The following SLX4 variants were observed in gnomAD, a reference collection of about 807,000 sequenced individuals.
SLX4 encodes the protein SLX4 structure-specific endonuclease subunit.
Under a neutral mutation model 146.2 loss-of-function variants are expected in SLX4, and 112 were observed. That is an observed-to-expected ratio of 0.77 (90% confidence interval 0.66 to 0.90). SLX4 has a LOEUF of 0.90. SLX4 is among the 40% of genes least tolerant of loss of function. The probability of loss-of-function intolerance (pLI) is 0.00; values close to 1 mark genes in which losing one functional copy is unlikely to be tolerated. For synonymous variants in SLX4, 1,061 were observed against 997.7 expected, an observed-to-expected ratio of 1.06 and a Z score of -1.20; for missense variants, 2,563 against 2,392.7, an observed-to-expected ratio of 1.07 and a Z score of -1.49.
chr16:3,584,839 T>C lies in SLX4; in HGVS notation c.4669A>G (p.Lys1557Glu). 1.9e-6 allele frequency: 3 copies of C among 1,614,102 alleles called. No individual in the cohort carries two copies. The highest frequency in any genetic ancestry group is 2.2e-5 in the East Asian group (1 of 44,874). The change falls in exon 13 of 15, where the codon AAA (lysine) becomes GAA (glutamate). Residue 1557 changes from lysine (K) to glutamate (E), a missense_variant. Lys to Glu is a moderately conservative substitution (Grantham distance 56, BLOSUM62 1). Coordinates refer to ENST00000294008, the MANE Select transcript of SLX4 (RefSeq NM_032444.4). ...TGTGGCATCGGCGTTATGGGCACTT[T>C]GGGGGGCAAGTTCTTCTTCCGATTA... ...GANRKKNLPP[K>E]VPITPMPQYS... is the part of the protein sequence containing the mutation.
At chr16:3,595,481 A>C in intron 9 of SLX4, 124 bp downstream of exon 9, 1 of 1,036,622 alleles carries the variant, frequency 9.6e-7, no homozygotes, top group Middle Eastern at 2.9e-4. Flanking sequence ...TCTGGAAAGC[A>C]GAGGCCTTGA....
intron 12 of SLX4, among the ~76,000 whole-genome samples, chr16:3,586,877 A>C (rs999663443): frequency 2.0e-5 from 3 of 152,168 alleles, no homozygotes; most frequent in African/African-American, 4.8e-5. Flanking sequence ...AACATGTATG[A>C]ATCTTGAAAA....
chr16:3,583,657 G>C (rs2040471176), intron 13 of SLX4, 147 bp from the exon 14 acceptor site: 1 of 854,306 alleles, frequency 1.2e-6, no homozygotes, highest in Non-Finnish European at 1.9e-6. Context: ...GTGAGCATCA[G>C]AGGTTAGTGT....
intron 9 of SLX4, among the ~76,000 whole-genome samples, chr16:3,594,920 C>A (rs1014505826): frequency 6.6e-6 from 1 of 152,164 alleles, no homozygotes; most frequent in Non-Finnish European, 1.5e-5. Context: ...GGACAGGCTG[C>A]GGGATACCTG....
At position 3,606,469 on chromosome 16, in the gene SLX4, C is replaced by T. The variant is rs1555452262; in HGVS notation, c.760+5G>A. 1.2e-6 allele frequency: 2 copies of T among 1,614,072 alleles called. No individual in the cohort carries two copies. The highest frequency in any genetic ancestry group is 1.7e-6 in the Non-Finnish European group (2 of 1,179,934). On this transcript the variant is annotated splice_donor_5th_base_variant and intron_variant, in intron 3 of 14. Coordinates refer to ENST00000294008, the MANE Select transcript of SLX4 (RefSeq NM_032444.4). ...GTGTGGAAGACAGAAACACACTCAT[C>T]ATACCATTCCCCGCCATCATCTCCT...
intron 4 of SLX4, 193 bp downstream of exon 4, chr16:3,601,924 GT>G (rs2040731253): frequency 4.9e-6 from 3 of 617,638 alleles, no homozygotes; most frequent in African/African-American, 3.7e-5. Context: ...GTAGTGATTT[GT>G]TCAGTTTAAA....
At chr16:3,598,385 C>T (rs568205788) in intron 5 of SLX4, among the ~76,000 whole-genome samples, 4 of 152,312 alleles carry the variant, frequency 2.6e-5, no homozygotes, top group Admixed American at 6.5e-5. Context: ...GCTCCTTACA[C>T]GGTCCTGGCC....
rs755984266 is a variant in SLX4 at position 3,591,138 on chromosome 16, A to G, written c.2500T>C (p.Leu834=). The change falls in exon 12 of 15, where the codon TTG becomes CTG. Residue 834 remains leucine (L), a synonymous_variant. Transcript: ENST00000294008. The part of the protein sequence containing the change: ...ADEEEEAETL[L]KSKDHEEDQE... ...TCTTCTTCGTGGTCCTTGGATTTCAACAAAGTCTCCGCTTCCTCCTCTTCA... is the reference window on the plus strand; with the variant it reads ...TCTTCTTCGTGGTCCTTGGATTTCAGCAAAGTCTCCGCTTCCTCCTCTTCA... The G allele has an allele frequency of 1.1e-5, 17 of 1,614,074 alleles. No homozygotes were observed. Among genetic ancestry groups the G allele is most frequent in the Admixed American group, 1.0e-4 (6 of 60,004 alleles).
At chr16:3,592,472 T>G (rs1231367407) in intron 11 of SLX4, among the ~76,000 whole-genome samples, 4 of 152,246 alleles carry the variant, frequency 2.6e-5, no homozygotes, top group African/African-American at 9.6e-5. Context: ...AGAGTCCTCC[T>G]GATCCAGTGC....
At chr16:3,583,855 T>G (rs9923287) in intron 13 of SLX4, among the ~76,000 whole-genome samples, 1 of 151,652 alleles carries the variant, frequency 6.6e-6, no homozygotes, top group African/African-American at 2.4e-5. Flanking sequence ...ATACAAAAAT[T>G]AGCCAGGCGT....
In SLX4 at chr16:3,589,949, C is replaced by A. The variant is rs777914038; in HGVS notation, c.3689G>T (p.Gly1230Val). The A allele has an allele frequency of 1.2e-6, 2 of 1,613,866 alleles. No individual in the cohort carries two copies. The highest frequency in any genetic ancestry group is 1.6e-4 in the Middle Eastern group (1 of 6,062). ...GAACAGCCAGGGAGCCCCTCTCCTGCCCAAAGAGCCCCGATTCTCCGGCAG... is the reference window on the plus strand; with the variant it reads ...GAACAGCCAGGGAGCCCCTCTCCTGACCAAAGAGCCCCGATTCTCCGGCAG... ...GALPENRGSL[G>V]RRGAPWLFCD... The change falls in exon 12 of 15, where the codon GGC (glycine) becomes GTC (valine). Residue 1230 changes from glycine to valine, a missense_variant. Physicochemically the swap from Gly to Val is moderately radical, Grantham distance 109 (BLOSUM62 -3). Coordinates refer to ENST00000294008, the MANE Select transcript of SLX4 (RefSeq NM_032444.4). The surrounding 1 kb of genome is among the most constrained non-coding windows in gnomAD (Gnocchi z 6.2).
rs2151139592 is a variant in SLX4 at position 3,608,729 on chromosome 16, G to A, written c.236C>T (p.Ala79Val). 1.2e-6 allele frequency: 2 copies of A among 1,614,230 alleles called. No individual in the cohort carries two copies. The highest frequency in any genetic ancestry group is 1.7e-6 in the Non-Finnish European group (2 of 1,180,052). The change falls in exon 2 of 15, where the codon GCT (alanine) becomes GTT (valine). Residue 79 changes from alanine to valine, a missense_variant. Ala to Val is a moderately conservative substitution (Grantham distance 64, BLOSUM62 0). Transcript: ENST00000294008. Reference protein sequence around the residue: ...EVSGERKTQKAASNGTQIRSK... With the variant: ...EVSGERKTQKVASNGTQIRSK... ...TCTTATCTGAGTGCCGTTTGAGGCA[G>A]CCTTTTGTGTCTTCCTTTCTCCTGA...
intron 4 of SLX4, chr16:3,601,855 T>G (rs140179838): frequency 2.4e-5 from 11 of 462,116 alleles, no homozygotes; most frequent in Non-Finnish European, 3.6e-5. Context: ...TTGGGGGTGA[T>G]GAAAATAATC....
chr16:3,599,359 C>T (rs1381666863), intron 5 of SLX4, among the ~76,000 whole-genome samples: 1 of 152,224 alleles, frequency 6.6e-6, no homozygotes, highest in Non-Finnish European at 1.5e-5. Flanking sequence ...AGTCAAAGGT[C>T]CAAGATGCCT....
intron 12 of SLX4, among the ~76,000 whole-genome samples, chr16:3,588,494 A>G (rs2040533910): frequency 1.3e-5 from 2 of 152,152 alleles, no homozygotes; most frequent in Admixed American, 1.3e-4. Flanking sequence ...CCTGACGGGC[A>G]TTTGGGTTGC....
At chr16:3,606,446 G>A (rs764773856) in intron 3 of SLX4, 28 bp downstream of exon 3, 2 of 1,609,740 alleles carry the variant, frequency 1.2e-6, no homozygotes, top group Admixed American at 1.7e-5. Context: ...TTATCTCTGT[G>A]TGGAAGACAG....
chr16:3,606,529 A>G lies in SLX4; in HGVS notation c.705T>C (p.Ala235=), dbSNP rs751148177. The stretch of plus-strand genomic sequence containing the variant: ...CCTTTGGGACATTTTCTTCCCGCGC[A>G]GCCTCGAGGGAGCACTCTTCTGAAG... The part of the protein sequence containing the change: ...RHASEECSLE[A]AREENVPKDP... The change falls in exon 3 of 15, where the codon GCT becomes GCC. Residue 235 remains alanine (A), a synonymous_variant. Coordinates refer to ENST00000294008, the MANE Select transcript of SLX4 (RefSeq NM_032444.4). The G allele has an allele frequency of 6.2e-7, 1 of 1,614,146 alleles. No homozygotes were observed. The highest frequency in any genetic ancestry group is 8.5e-7 in the Non-Finnish European group (1 of 1,180,032).
chr16:3,590,179 G>C lies in SLX4; in HGVS notation c.3459C>G (p.Leu1153=), dbSNP rs1252859091. Residue 1153 remains leucine (L), a synonymous_variant, in exon 12 of 15, where the codon CTC becomes CTG. Coordinates refer to ENST00000294008, the MANE Select transcript of SLX4 (RefSeq NM_032444.4). The surrounding 1 kb of genome is among the most constrained non-coding windows in gnomAD (Gnocchi z 4.8). ...CCAGCTCCTCATCCGAGTCCAGTAAGAGGATGACCTCATCTTCTTCGTTCA... is the reference window on the plus strand; with the variant it reads ...CCAGCTCCTCATCCGAGTCCAGTAACAGGATGACCTCATCTTCTTCGTTCA... ...SKLNEEDEVI[L]LLDSDEELEL... 6.2e-7 allele frequency: 1 copy of C among 1,614,088 alleles called. No homozygotes were observed. The highest frequency in any genetic ancestry group is 8.5e-7 in the Non-Finnish European group (1 of 1,180,044).
chr16:3,590,387 C>G lies in SLX4; in HGVS notation c.3251G>C (p.Arg1084Thr). 1 of 1,614,240 alleles carries G rather than the reference C, an allele frequency of 6.2e-7. No homozygotes were observed. Among genetic ancestry groups the G allele is most frequent in the Non-Finnish European group, 8.5e-7 (1 of 1,180,042 alleles). ...AGACAGCGTGAGGATGCTCCTGTCC[C>G]TTTTCTGCTTTGATGGCACAGCTGG... ...LSPAVPSKQK[R>T]DRSILTLSKE... is the part of the protein sequence containing the mutation. The change falls in exon 12 of 15, where the codon AGG (arginine) becomes ACG (threonine). Residue 1084 changes from arginine (R) to threonine (T), a missense_variant. By Grantham distance (71) the Arg-to-Thr change is moderately conservative (BLOSUM62 -1). Transcript: ENST00000294008. This position sits in a 1 kb window ranked among gnomAD's most constrained non-coding sequence, Gnocchi z 4.8.
Sources: gnomAD v4.1 joint callset for allele counts (sites outside exome capture counted in the v4.1 genomes callset) on GRCh38, gnomAD v4.1.1 for gene constraint, Gnocchi (gnomAD v3.1) non-coding constraint, MANE v1.5 for transcripts, NCBI Gene and HGNC (gene_info 2026-07-23, HGNC 2026-07-21) for gene names.